NAV2: variants seen among roughly 807,000 people sequenced by gnomAD.
NAV2 encodes the protein helicase, APC down-regulated 1.
NAV2 carries 54 observed loss-of-function variants against 223.2 expected under a neutral mutation model. That is an observed-to-expected ratio of 0.24 (90% CI 0.19 to 0.30). The LOEUF (loss-of-function observed/expected upper bound fraction) is 0.30, where lower values mean the gene tolerates loss of function less well. Ranked by LOEUF, NAV2 falls within the 10% of genes least tolerant of loss-of-function variation. The pLI is 1.00. For missense variants in NAV2, 2,806 were observed against 3,147.5 expected (o/e 0.89, Z 2.60); for synonymous variants, 1,279 against 1,239.3 (o/e 1.03, Z -0.67).
chr11:19,828,551 G>T (rs2059770077), intron 1 of NAV2, among the ~76,000 whole-genome samples: 1 of 151,564 alleles, frequency 6.6e-6, no homozygotes, highest in African/African-American at 2.4e-5. Flanking sequence ...GTGCAATGAT[G>T]CATGACGGCT....
intron 1 of NAV2, among the ~76,000 whole-genome samples, chr11:19,533,194 A>G (rs185838115): frequency 6.4e-4 from 98 of 152,124 alleles, no homozygotes; most frequent in African/African-American, 2.2e-3. Context: ...TATAGTGTAG[A>G]CCGGGGTTTC....
chr11:19,351,535 T>C (rs1853313372), intron 1 of NAV2, among the ~76,000 whole-genome samples: 1 of 152,172 alleles, frequency 6.6e-6, no homozygotes. Context: ...TGAGTGTAGG[T>C]CATTTGCTGT....
chr11:19,542,656 G>A (rs1375234178), intron 1 of NAV2, among the ~76,000 whole-genome samples: 2 of 152,188 alleles, frequency 1.3e-5, no homozygotes, highest in African/African-American at 2.4e-5. Flanking sequence ...TTAATTCATC[G>A]AAGGTCATAA....
At position 19,440,010 on chromosome 11, in the gene NAV2, C is replaced by T. The variant is rs538586215; in HGVS notation, c.75+88983C>T. On this transcript the variant is annotated intron_variant, in intron 1 of 37. Transcript: ENST00000360655. The stretch of plus-strand genomic sequence containing the variant: ...CCTTTTGACCAGACCTTCAGCAAAA[C>T]GCCCATGTATTTGAAGTTATATAAT... Among the ~76,000 whole-genome samples, 9 of 152,328 alleles carry T rather than the reference C, an allele frequency of 5.9e-5. No homozygotes were observed. The South Asian group carries it at 1.9e-3, about 32-fold the overall frequency.
intron 11 of NAV2, among the ~76,000 whole-genome samples, chr11:19,985,572 T>TA (rs2050719376): frequency 1.3e-5 from 2 of 151,044 alleles, no homozygotes; most frequent in Admixed American, 6.6e-5. Context: ...TTTTTGTTGT[T>TA]GTTTGTTTGT....
chr11:19,732,973 G>T, intron 1 of NAV2, among the ~76,000 whole-genome samples: 1 of 152,222 alleles, frequency 6.6e-6, no homozygotes. Context: ...CAGTTGGCAT[G>T]GATGCTAGTT....
chr11:19,697,011 G>C (rs1270515846), intron 1 of NAV2, among the ~76,000 whole-genome samples: 2 of 152,204 alleles, frequency 1.3e-5, no homozygotes, highest in Non-Finnish European at 2.9e-5. Context: ...AGGTTACACA[G>C]CATTGTGGAA....
At chr11:19,684,282 C>A (rs555851739) in intron 1 of NAV2, among the ~76,000 whole-genome samples, 1 of 152,260 alleles carries the variant, frequency 6.6e-6, no homozygotes, top group South Asian at 2.1e-4. Flanking sequence ...GACTTCAGCC[C>A]TTGTCACAAT....
At chr11:19,380,990 A>G (rs1848819378) in intron 1 of NAV2, among the ~76,000 whole-genome samples, 1 of 152,204 alleles carries the variant, frequency 6.6e-6, no homozygotes, top group Non-Finnish European at 1.5e-5. Context: ...AATAGTAAGC[A>G]CTAGTGGTTC....
intron 3 of NAV2, among the ~76,000 whole-genome samples, chr11:19,852,456 A>G (rs1457044316): frequency 6.6e-6 from 1 of 152,188 alleles, no homozygotes; most frequent in Non-Finnish European, 1.5e-5. Context: ...TTTTATTTCT[A>G]GTACTGTGTC....
In NAV2 at chr11:20,022,828, C is replaced by A. The variant is rs1230805324; in HGVS notation, c.2769-13131C>A. On this transcript the variant is annotated intron_variant, in intron 11 of 37. Transcript: ENST00000349880. ...TTTCAGAGTTTGGTGTTAGCTTTTG[C>A]TTTGCTGAAACTTTTCACAGCTGAC... 6 of 1,265,904 alleles carry A rather than the reference C, an allele frequency of 4.7e-6. No homozygotes were observed. The African/African-American group carries it at 9.1e-5, about 19-fold the overall frequency. The allele number at this position is 1,265,904 out of a possible 1,614,324, so 78.4% of individuals were successfully genotyped here. A position where few individuals can be genotyped will look rare whatever the true frequency, so the allele number is the denominator to read the frequency against.
At chr11:19,602,967 G>A (rs2046386889) in intron 1 of NAV2, among the ~76,000 whole-genome samples, 1 of 152,156 alleles carries the variant, frequency 6.6e-6, no homozygotes, top group African/African-American at 2.4e-5. Flanking sequence ...TGGAGAAAGG[G>A]AGGAAGGGCA....
At chr11:19,587,618 T>G (rs888320722) in intron 1 of NAV2, among the ~76,000 whole-genome samples, 2 of 152,192 alleles carry the variant, frequency 1.3e-5, no homozygotes, top group Non-Finnish European at 2.9e-5. Context: ...AGCATCTGAC[T>G]TCAAGGGTTA....
intron 1 of NAV2, among the ~76,000 whole-genome samples, chr11:19,811,967 A>G (rs1317573661): frequency 6.6e-6 from 1 of 152,132 alleles, no homozygotes; most frequent in Non-Finnish European, 1.5e-5. Flanking sequence ...CCTATGGCTT[A>G]GTGGTTCCCA....
At chr11:19,364,802 A>T (rs552682109) in intron 1 of NAV2, among the ~76,000 whole-genome samples, 3 of 152,312 alleles carry the variant, frequency 2.0e-5, no homozygotes, top group African/African-American at 7.2e-5. Flanking sequence ...TAAAATAGGG[A>T]TTTGCTTTAC....
At chr11:19,632,220 G>A (rs191484640) in intron 1 of NAV2, among the ~76,000 whole-genome samples, 8 of 152,292 alleles carry the variant, frequency 5.3e-5, no homozygotes, top group Non-Finnish European at 1.0e-4. Flanking sequence ...GGTTTGGTGC[G>A]GTACAAAGAA....
intron 1 of NAV2, among the ~76,000 whole-genome samples, chr11:19,759,697 T>C (rs545813535): frequency 1.2e-4 from 18 of 152,332 alleles, no homozygotes; most frequent in African/African-American, 4.1e-4. Flanking sequence ...AAGTCTCTAA[T>C]TTCTCAGTTT....
At chr11:20,064,705 T>G (rs1157962023) in intron 20 of NAV2, among the ~76,000 whole-genome samples, 1 of 152,236 alleles carries the variant, frequency 6.6e-6, no homozygotes, top group African/African-American at 2.4e-5. Flanking sequence ...AGATACTGTT[T>G]TCATGAAATT....
chr11:20,093,037 T>C (rs780978341), intron 28 of NAV2, 62 bp from the exon 29 acceptor site: 39 of 942,920 alleles, frequency 4.1e-5, no homozygotes, highest in Non-Finnish European at 6.0e-5. Context: ...GCAGCGGGGG[T>C]GTCAGGAAGC....
Sources: allele counts gnomAD v4.1 joint callset (sites outside exome capture counted in the v4.1 genomes callset), GRCh38; gene constraint gnomAD v4.1.1; transcripts MANE v1.5; gene names NCBI Gene and HGNC (gene_info 2026-07-23, HGNC 2026-07-21).